MMP16: variants seen among roughly 807,000 people sequenced by gnomAD.
MMP16 encodes matrix metallopeptidase 16.
MMP16 carries 12 observed loss-of-function variants against 67.8 expected under a neutral mutation model. The ratio of observed to expected loss-of-function variants is 0.18; its 90% confidence interval spans 0.11 to 0.29. The LOEUF (loss-of-function observed/expected upper bound fraction) is 0.29. Among genes scored for constraint, MMP16 ranks in the 10% least tolerant of loss-of-function variants. MMP16 has a pLI of 1.00. For missense variants in MMP16, 475 were observed against 765.7 expected (o/e 0.62, Z 4.48); for synonymous variants, 249 against 255.9 (o/e 0.97, Z 0.26).
At chr8:88,186,302 G>C in intron 3 of MMP16, 174 bp downstream of exon 3, 1 of 676,530 alleles carries the variant, frequency 1.5e-6, no homozygotes, top group Non-Finnish European at 2.4e-6. Context: ...GTCTACATAG[G>C]GTGTCTAATG....
intron 3 of MMP16, among the ~76,000 whole-genome samples, chr8:88,174,007 T>C (rs563074935): frequency 7.9e-5 from 12 of 152,290 alleles, no homozygotes; most frequent in Admixed American, 5.2e-4. Context: ...ATGAAGTCTT[T>C]GGGTTTAGAG....
At chr8:88,045,193 G>A (rs1353392241) in intron 9 of MMP16, among the ~76,000 whole-genome samples, 1 of 152,044 alleles carries the variant, frequency 6.6e-6, no homozygotes, top group Non-Finnish European at 1.5e-5. Context: ...TCCACTTGTG[G>A]GACACTATCA....
intron 1 of MMP16, among the ~76,000 whole-genome samples, chr8:88,294,484 C>A (rs562223342): frequency 1.3e-5 from 2 of 149,632 alleles, no homozygotes; most frequent in South Asian, 4.2e-4. Context: ...ATATGTATGT[C>A]TCTATACACA....
chr8:88,235,771 G>T (rs1809930979), intron 1 of MMP16, among the ~76,000 whole-genome samples: 1 of 152,056 alleles, frequency 6.6e-6, no homozygotes, highest in African/African-American at 2.4e-5. Context: ...AACAGGCCAT[G>T]CTCCCTACAT....
chr8:88,228,237 T>C (rs1809801565), intron 1 of MMP16, among the ~76,000 whole-genome samples: 2 of 152,090 alleles, frequency 1.3e-5, no homozygotes, highest in Non-Finnish European at 2.9e-5. Flanking sequence ...CTTTAATTTG[T>C]TCATACCCTT....
At chr8:88,134,753 A>G (rs1333879979) in intron 4 of MMP16, among the ~76,000 whole-genome samples, 2 of 151,138 alleles carry the variant, frequency 1.3e-5, no homozygotes, top group African/African-American at 2.4e-5. Context: ...TTTTTTTTCT[A>G]CTACCTTGCT....
chr8:88,159,113 T>A (rs1329501897), intron 4 of MMP16, among the ~76,000 whole-genome samples: 1 of 152,206 alleles, frequency 6.6e-6, no homozygotes, highest in Non-Finnish European at 1.5e-5. Flanking sequence ...GCCTCCAGCT[T>A]TGTTCTTTTG....
chr8:88,264,955 T>C (rs531656226), intron 1 of MMP16, among the ~76,000 whole-genome samples: 62 of 152,364 alleles, frequency 4.1e-4, no homozygotes, highest in African/African-American at 1.5e-3. Flanking sequence ...TTGGCAAGAC[T>C]GCCTTGCATT....
intron 4 of MMP16, among the ~76,000 whole-genome samples, chr8:88,131,529 A>G (rs1808030067): frequency 6.6e-6 from 1 of 151,818 alleles, no homozygotes; most frequent in Non-Finnish European, 1.5e-5. Context: ...AAGAGTCTCC[A>G]AGGAATTTAC....
At chr8:88,098,225 G>A (rs1303617376) in intron 6 of MMP16, among the ~76,000 whole-genome samples, 1 of 152,024 alleles carries the variant, frequency 6.6e-6, no homozygotes, top group Non-Finnish European at 1.5e-5. Context: ...TCCTCAGGAT[G>A]TATTACTACA....
At chr8:88,223,562 A>G (rs1215637738) in intron 1 of MMP16, among the ~76,000 whole-genome samples, 1 of 151,616 alleles carries the variant, frequency 6.6e-6, no homozygotes, top group East Asian at 2.0e-4. Flanking sequence ...TGAAGCTGGA[A>G]ACCATCATTC....
At chr8:88,063,238 A>G (rs1030599747) in intron 7 of MMP16, among the ~76,000 whole-genome samples, 5 of 152,046 alleles carry the variant, frequency 3.3e-5, no homozygotes, top group African/African-American at 1.2e-4. Context: ...GATGGATGAC[A>G]TTCAATCATC....
intron 1 of MMP16, among the ~76,000 whole-genome samples, chr8:88,219,122 A>C (rs547272013): frequency 2.0e-5 from 3 of 152,106 alleles, no homozygotes; most frequent in Non-Finnish European, 2.9e-5. Flanking sequence ...ACTATGATAG[A>C]AGATAAGAGC....
chr8:88,159,980 TA>T (rs1305099091), intron 4 of MMP16, among the ~76,000 whole-genome samples: 1 of 151,946 alleles, frequency 6.6e-6, no homozygotes, highest in African/African-American at 2.4e-5. Flanking sequence ...TTTATTTTAT[TA>T]TTATTACACT....
At chr8:88,198,996 C>T (rs768542226) in intron 1 of MMP16, among the ~76,000 whole-genome samples, 13 of 152,092 alleles carry the variant, frequency 8.5e-5, no homozygotes, top group South Asian at 2.1e-4. Context: ...CTATTGTTAA[C>T]GTAATGTCTC....
chr8:88,295,569 TTTAAG>T (rs928022501), intron 1 of MMP16, among the ~76,000 whole-genome samples: 2 of 152,112 alleles, frequency 1.3e-5, no homozygotes, highest in Non-Finnish European at 2.9e-5. Flanking sequence ...AAAAAAGCAA[TTTAAG>T]TTAAGTATTT....
intron 6 of MMP16, among the ~76,000 whole-genome samples, chr8:88,115,940 ATAAATTAGT>A (rs1809420613): frequency 6.6e-6 from 1 of 152,154 alleles, no homozygotes. Flanking sequence ...AAAAAATAAT[ATAAATTAGT>A]TAGATATAAC....
chr8:88,195,608 T>TAAGGC (rs1186470796), intron 2 of MMP16, among the ~76,000 whole-genome samples: 2 of 152,164 alleles, frequency 1.3e-5, no homozygotes, highest in Non-Finnish European at 2.9e-5. Context: ...TATATTTATT[T>TAAGGC]AAGGCAAGGG....
chr8:88,042,474 G>A (rs1181570030), intron 9 of MMP16, among the ~76,000 whole-genome samples: 1 of 152,036 alleles, frequency 6.6e-6, no homozygotes, highest in Non-Finnish European at 1.5e-5. Context: ...CTGGCTCTAG[G>A]TCATAAACAT....
Sources: allele counts gnomAD v4.1 joint callset (sites outside exome capture counted in the v4.1 genomes callset), GRCh38; gene constraint gnomAD v4.1.1; transcripts MANE v1.5; gene names NCBI Gene and HGNC (gene_info 2026-07-23, HGNC 2026-07-21).